The following MAF variants were observed in gnomAD, a reference collection of about 807,000 sequenced individuals.
The protein encoded by MAF is MAF bZIP transcription factor.
In MAF, 10 loss-of-function variants were observed where a neutral mutation model predicts 22.0. The ratio of observed to expected loss-of-function variants is 0.45; its 90% confidence interval spans 0.28 to 0.77. The LOEUF (loss-of-function observed/expected upper bound fraction) is 0.77, where lower values mean the gene tolerates loss of function less well. Among genes scored for constraint, MAF ranks in the 30% least tolerant of loss-of-function variants. MAF has a pLI of 0.12. For synonymous variants in MAF, 337 were observed against 255.8 expected (o/e 1.32, Z -3.03); for missense variants, 544 against 548.4 (o/e 0.99, Z 0.08).
At chr16:79,467,706 C>T in the MAF span, among the ~76,000 whole-genome samples, 3 of 152,142 alleles carry the variant, frequency 2.0e-5, no homozygotes, top group Admixed American at 6.5e-5. Flanking sequence ...GGGGCTGGGG[C>T]CCTGCAGTCT....
chr16:79,426,380 GTTTCTTTTTAC>G, the MAF span, among the ~76,000 whole-genome samples: 4 of 151,662 alleles, frequency 2.6e-5, 1 homozygote, highest in African/African-American at 7.3e-5. Context: ...TTCTCTAACT[GTTTCTTTTTAC>G]TTTCTTTTTT....
chr16:79,224,902 AG>A, the MAF span, among the ~76,000 whole-genome samples: 2 of 152,354 alleles, frequency 1.3e-5, no homozygotes, highest in East Asian at 3.9e-4. Flanking sequence ...GCTCATGGGT[AG>A]GAAGAATCAA....
At chr16:79,503,010 T>C in the MAF span, among the ~76,000 whole-genome samples, 2 of 151,942 alleles carry the variant, frequency 1.3e-5, no homozygotes, top group African/African-American at 4.8e-5. Flanking sequence ...TGGGTCAAAG[T>C]ATGTAAAAAT....
chr16:79,341,152 G>C, the MAF span, among the ~76,000 whole-genome samples: 5 of 152,232 alleles, frequency 3.3e-5, no homozygotes, highest in African/African-American at 1.2e-4. Flanking sequence ...GAAGAACATA[G>C]GTACAGGTTC....
At chr16:79,363,985 C>T in the MAF span, among the ~76,000 whole-genome samples, 1 of 152,116 alleles carries the variant, frequency 6.6e-6, no homozygotes, top group Non-Finnish European at 1.5e-5. Context: ...TCCCTCTGAC[C>T]AGTGACCAAA....
the MAF span, among the ~76,000 whole-genome samples, chr16:79,506,011 G>A: frequency 1.3e-5 from 2 of 151,778 alleles, no homozygotes; most frequent in African/African-American, 4.8e-5. Context: ...AGAAAAGGAG[G>A]AAAGAGAGGA....
chr16:79,307,269 G>A, the MAF span, among the ~76,000 whole-genome samples: 8 of 152,186 alleles, frequency 5.3e-5, no homozygotes, highest in East Asian at 1.9e-4. Context: ...CCATGAACTC[G>A]TAGCCCTAGG....
At chr16:79,261,365 C>A in the MAF span, among the ~76,000 whole-genome samples, 1 of 152,014 alleles carries the variant, frequency 6.6e-6, no homozygotes, top group Non-Finnish European at 1.5e-5. Context: ...GTTGGCCAGG[C>A]TGGTCTTGAA....
chr16:79,257,955 G>T, the MAF span, among the ~76,000 whole-genome samples: 1 of 152,160 alleles, frequency 6.6e-6, no homozygotes. Flanking sequence ...TCTAAACTCT[G>T]CCATGATTTC....
chr16:79,551,835 G>T, the MAF span, among the ~76,000 whole-genome samples: 248 of 152,254 alleles, frequency 1.6e-3, 1 homozygote, highest in Non-Finnish European at 2.9e-3. Flanking sequence ...AGTAGCTTGA[G>T]TAGCTGCAAC....
At chr16:79,528,828 G>C in the MAF span, among the ~76,000 whole-genome samples, 2 of 152,160 alleles carry the variant, frequency 1.3e-5, no homozygotes, top group African/African-American at 2.4e-5. Context: ...TAACTACTCA[G>C]AGATTCTCAG....
chr16:79,305,418 G>C, the MAF span, among the ~76,000 whole-genome samples: 6 of 152,324 alleles, frequency 3.9e-5, no homozygotes, highest in Admixed American at 3.3e-4. Context: ...AGGGAGCAAA[G>C]TGCTGGATGC....
the MAF span, among the ~76,000 whole-genome samples, chr16:79,257,253 G>A: frequency 3.3e-5 from 5 of 152,098 alleles, no homozygotes; most frequent in African/African-American, 1.2e-4. Context: ...GTGTTGTTTA[G>A]TTAATATAGT....
the MAF span, among the ~76,000 whole-genome samples, chr16:79,262,304 T>A: frequency 6.6e-6 from 1 of 152,190 alleles, no homozygotes; most frequent in Non-Finnish European, 1.5e-5. Context: ...CTAAAACTCA[T>A]GTTCTCTCTA....
the MAF span, among the ~76,000 whole-genome samples, chr16:79,514,096 G>C: frequency 6.6e-6 from 1 of 152,056 alleles, no homozygotes; most frequent in African/African-American, 2.4e-5. Flanking sequence ...ATGTTTAACA[G>C]TTGTTTTCAG....
the MAF span, among the ~76,000 whole-genome samples, chr16:79,521,469 A>G: frequency 6.6e-6 from 1 of 152,246 alleles, no homozygotes; most frequent in African/African-American, 2.4e-5. Context: ...CTCAGGACGC[A>G]TTTCGTACAG....
At chr16:79,348,532 G>A in the MAF span, among the ~76,000 whole-genome samples, 1 of 152,222 alleles carries the variant, frequency 6.6e-6, no homozygotes. Context: ...TGGCACTTTA[G>A]TGTGATAAAA....
chr16:79,251,429 C>T, the MAF span, among the ~76,000 whole-genome samples: 2 of 150,940 alleles, frequency 1.3e-5, no homozygotes, highest in Non-Finnish European at 2.9e-5. Context: ...AATTCTCCTG[C>T]GTCAGCCTCC....
the MAF span, chr16:79,212,104 C>A: frequency 4.6e-6 from 7 of 1,535,970 alleles, no homozygotes; most frequent in Non-Finnish European, 6.1e-6. Flanking sequence ...ACCAGCAATT[C>A]TCTTTCTTTT....
Sources: allele counts gnomAD v4.1 joint callset (sites outside exome capture counted in the v4.1 genomes callset), GRCh38; gene constraint gnomAD v4.1.1; transcripts MANE v1.5; gene names NCBI Gene and HGNC (gene_info 2026-07-23, HGNC 2026-07-21).